CPA6: variants seen among roughly 807,000 people sequenced by gnomAD.
CPA6 encodes carboxypeptidase A6.
Under a neutral mutation model 63.3 loss-of-function variants are expected in CPA6, and 58 were observed. The observed-to-expected ratio is 0.92, with a 90% CI of 0.74 to 1.14. The LOEUF (loss-of-function observed/expected upper bound fraction) is 1.14, where lower values mean the gene tolerates loss of function less well. Among genes scored for constraint, CPA6 ranks in the 50% most tolerant of loss-of-function variants. The pLI, the probability that CPA6 is intolerant of heterozygous loss-of-function variation, is 0.00. For synonymous variants in CPA6, 185 were observed against 179.0 expected, an observed-to-expected ratio of 1.03 and a Z score of -0.27; for missense variants, 565 against 526.6, an observed-to-expected ratio of 1.07 and a Z score of -0.71.
intron 2 of CPA6, among the ~76,000 whole-genome samples, chr8:67,615,048 C>T (rs981119089): frequency 7.2e-5 from 11 of 152,134 alleles, no homozygotes; most frequent in East Asian, 1.9e-4. Context: ...TATCGATACT[C>T]GTTTATAAGG....
At chr8:67,451,638 G>T (rs1810559867) in intron 8 of CPA6, among the ~76,000 whole-genome samples, 1 of 152,086 alleles carries the variant, frequency 6.6e-6, no homozygotes, top group Non-Finnish European at 1.5e-5. Flanking sequence ...CATGAAACTG[G>T]TCCCTGGTGC....
chr8:67,500,220 T>C (rs1811803837), intron 6 of CPA6, among the ~76,000 whole-genome samples: 1 of 143,582 alleles, frequency 7.0e-6, no homozygotes, highest in Non-Finnish European at 1.5e-5. Context: ...GATATAAATC[T>C]ATCTATCTGA....
chr8:67,605,213 A>T (rs1814601168), intron 2 of CPA6, among the ~76,000 whole-genome samples: 1 of 152,012 alleles, frequency 6.6e-6, no homozygotes, highest in Non-Finnish European at 1.5e-5. Context: ...AATGCCCAAC[A>T]TAGAGTATTC....
intron 1 of CPA6, among the ~76,000 whole-genome samples, chr8:67,703,163 A>G (rs2128998981): frequency 6.6e-6 from 1 of 152,218 alleles, no homozygotes; most frequent in African/African-American, 2.4e-5. Flanking sequence ...GAGGTGTTCA[A>G]TCCCTGTACT....
chr8:67,630,987 C>T (rs185108219), intron 1 of CPA6, among the ~76,000 whole-genome samples: 110 of 152,344 alleles, frequency 7.2e-4, no homozygotes, highest in Admixed American at 1.8e-3. Flanking sequence ...ACCTGCAGCC[C>T]GCCATGACTG....
At chr8:67,525,238 C>T (rs1812337874) in intron 2 of CPA6, among the ~76,000 whole-genome samples, 1 of 152,160 alleles carries the variant, frequency 6.6e-6, no homozygotes, top group African/African-American at 2.4e-5. Flanking sequence ...TATCACTTTC[C>T]TAAAGCATAG....
chr8:67,721,152 T>C (rs1034917190), intron 1 of CPA6, among the ~76,000 whole-genome samples: 7 of 152,274 alleles, frequency 4.6e-5, no homozygotes, highest in African/African-American at 1.4e-4. Context: ...CTTCCTTTTA[T>C]AAGCCCAAGA....
At chr8:67,725,360 A>G (rs748825032) in intron 1 of CPA6, among the ~76,000 whole-genome samples, 25 of 152,208 alleles carry the variant, frequency 1.6e-4, no homozygotes, top group Admixed American at 6.5e-4. Context: ...TAACAAATAA[A>G]TGAATATAGG....
Position 67,428,093 on chromosome 8 carries a change from T to C in CPA6, c.1080A>G (p.Ser360=), listed in dbSNP as rs529366843. The C allele has an allele frequency of 4.3e-6, 7 of 1,613,414 alleles. No homozygotes were observed. The highest frequency in any genetic ancestry group is 3.3e-5 in the South Asian group (3 of 91,006). The stretch of plus-strand genomic sequence containing the variant: ...CATATCTGTATCGTACCCCGTATAC[T>C]GACTGAAGTGCATTCACAGCTTTAT... The part of the protein sequence containing the change: ...AAYKAVNALQ[S]VYGVRYRYGP... Residue 360 remains serine, a synonymous_variant, in exon 10 of 11, where the codon TCA becomes TCG. Transcript: ENST00000297770.
rs538843453 is a variant in CPA6, at chr8:67,696,052, C to T, written c.116+49962G>A. ...TCCTGGTGCCTCTGAATCAACAGGC[C>T]AAAACGGGAGTTACAGTCTAGGCTG... On this transcript the variant is annotated intron_variant, in intron 1 of 10. Transcript: ENST00000297770. 2.0e-5 allele frequency among the ~76,000 whole-genome samples: 3 copies of T among 152,090 alleles called. No individual in the cohort carries two copies. The South Asian group carries it at 6.3e-4, about 32-fold the overall frequency.
rs1810560658 is a variant in CPA6 at position 67,451,666 on chromosome 8, G to C, written c.839-17426C>G. On this transcript the variant is annotated intron_variant, in intron 8 of 10. Transcript: ENST00000297770. Reference sequence around the variant, plus strand: ...CCTGGTGCCACAAAGGTTGGGGACTGTTGCCTTAGACTGTTTAATTAACAT... The same window carrying C: ...CCTGGTGCCACAAAGGTTGGGGACTCTTGCCTTAGACTGTTTAATTAACAT... 1.3e-5 allele frequency among the ~76,000 whole-genome samples: 2 copies of C among 152,158 alleles called. 1 individual carries two copies. The highest frequency in any genetic ancestry group is 4.1e-4 in the South Asian group (2 of 4,830).
At chr8:67,463,177 C>T (rs1810851154) in intron 8 of CPA6, among the ~76,000 whole-genome samples, 1 of 152,162 alleles carries the variant, frequency 6.6e-6, no homozygotes, top group African/African-American at 2.4e-5. Flanking sequence ...GGCACCATGG[C>T]TCATGCCTGT....
At chr8:67,588,962 C>T (rs1670257795) in intron 2 of CPA6, among the ~76,000 whole-genome samples, 1 of 151,944 alleles carries the variant, frequency 6.6e-6, no homozygotes, top group Admixed American at 6.6e-5. Flanking sequence ...ATTAAAAATA[C>T]AAAAATTAGC....
At chr8:67,460,486 A>G (rs1030684631) in intron 8 of CPA6, among the ~76,000 whole-genome samples, 3 of 152,240 alleles carry the variant, frequency 2.0e-5, no homozygotes, top group Non-Finnish European at 2.9e-5. Context: ...AGGAAAGGAA[A>G]TCAATAGTTT....
At chr8:67,668,927 T>A (rs1330072286) in intron 1 of CPA6, among the ~76,000 whole-genome samples, 1 of 152,022 alleles carries the variant, frequency 6.6e-6, no homozygotes, top group Non-Finnish European at 1.5e-5. Context: ...AGCTAAGGCT[T>A]GAATGAGAGG....
intron 2 of CPA6, among the ~76,000 whole-genome samples, chr8:67,559,888 C>CACAT (rs1554674457): frequency 2.0e-5 from 3 of 150,252 alleles, no homozygotes; most frequent in African/African-American, 4.9e-5. Context: ...CACACACACA[C>CACAT]ATATATATAG....
At chr8:67,534,344 AG>A (rs1175969854) in intron 2 of CPA6, among the ~76,000 whole-genome samples, 1 of 152,174 alleles carries the variant, frequency 6.6e-6, no homozygotes, top group Non-Finnish European at 1.5e-5. Context: ...GAGAGCTCAG[AG>A]AAGGGATCAA....
chr8:67,541,232 A>G (rs1472975758), intron 2 of CPA6, among the ~76,000 whole-genome samples: 1 of 152,184 alleles, frequency 6.6e-6, no homozygotes, highest in Non-Finnish European at 1.5e-5. Context: ...AAAGCACAGT[A>G]TCTGGGCTGG....
intron 8 of CPA6, among the ~76,000 whole-genome samples, chr8:67,439,159 G>C (rs144605590): frequency 3.9e-4 from 60 of 152,176 alleles, no homozygotes; most frequent in African/African-American, 1.3e-3. Context: ...AGCCAGGTAT[G>C]GTGGCACACA....
Sources: allele counts gnomAD v4.1 joint callset (sites outside exome capture counted in the v4.1 genomes callset), GRCh38; gene constraint gnomAD v4.1.1; transcripts MANE v1.5; gene names NCBI Gene and HGNC (gene_info 2026-07-23, HGNC 2026-07-21).